The following CCDC57 variants were observed in gnomAD, a reference collection of about 807,000 sequenced individuals.
The protein encoded by CCDC57 is coiled-coil domain containing 57.
Under a neutral mutation model 118.9 loss-of-function variants are expected in CCDC57, and 118 were observed. The observed-to-expected ratio is 0.99, with a 90% CI of 0.86 to 1.16. The LOEUF (loss-of-function observed/expected upper bound fraction) is 1.16. CCDC57 is among the 50% of genes most tolerant of loss of function. The pLI, the probability that CCDC57 is intolerant of heterozygous loss-of-function variation, is 0.00. For synonymous variants in CCDC57, 527 were observed against 532.9 expected (o/e 0.99, Z 0.15); for missense variants, 1,300 against 1,320.7 (o/e 0.98, Z 0.24).
intron 19 of CCDC57, among the ~76,000 whole-genome samples, chr17:82,116,448 G>A (rs2035932917): frequency 6.6e-6 from 1 of 152,058 alleles, no homozygotes; most frequent in Non-Finnish European, 1.5e-5. Flanking sequence ...GCTCTACATG[G>A]CGGCCCTACC....
At chr17:82,157,874 C>T in exon 15 of CCDC57, 1 of 1,582,024 alleles carries the variant, frequency 6.3e-7, no homozygotes, top group Non-Finnish European at 8.6e-7. Context: ...GCTCCAAAAC[C>T]TCCAGGTGTA....
intron 19 of CCDC57, among the ~76,000 whole-genome samples, chr17:82,110,831 C>A (rs1463376574): frequency 6.6e-6 from 1 of 152,024 alleles, no homozygotes; most frequent in African/African-American, 2.4e-5. Context: ...TGGAGACCAG[C>A]CTGACCAACA....
chr17:82,207,788 G>C (rs1322427859), intron 2 of CCDC57: 13 of 152,222 alleles, frequency 8.5e-5, no homozygotes, highest in Admixed American at 8.5e-4. Flanking sequence ...CAGCAGGCGG[G>C]GTGGACCTGT....
At chr17:82,122,198 T>G (rs1368478163) in intron 19 of CCDC57, among the ~76,000 whole-genome samples, 1 of 152,200 alleles carries the variant, frequency 6.6e-6, no homozygotes, top group Non-Finnish European at 1.5e-5. Flanking sequence ...CCTCGGGCTC[T>G]CAGCCTGGAT....
At chr17:82,157,769 G>T in exon 15 of CCDC57, 1 of 1,602,206 alleles carries the variant, frequency 6.2e-7, no homozygotes, top group Non-Finnish European at 8.5e-7. Flanking sequence ...GGGCCACGGC[G>T]TCCGAGGCTG....
chr17:82,211,104 G>C, intron 1 of CCDC57, among the ~76,000 whole-genome samples: 1 of 151,832 alleles, frequency 6.6e-6, no homozygotes, highest in Non-Finnish European at 1.5e-5. Flanking sequence ...TTTACAAAGG[G>C]AAGGACCCTA....
At chr17:82,189,778 G>C (rs904498926) in intron 7 of CCDC57, among the ~76,000 whole-genome samples, 1 of 151,426 alleles carries the variant, frequency 6.6e-6, no homozygotes, top group African/African-American at 2.4e-5. Flanking sequence ...GCTCGAACCC[G>C]GGAGGCAGAG....
intron 7 of CCDC57, among the ~76,000 whole-genome samples, chr17:82,189,707 G>A (rs1356249003): frequency 6.6e-6 from 1 of 152,078 alleles, no homozygotes; most frequent in East Asian, 1.9e-4. Context: ...ACAAAAATTA[G>A]CCGGGCATGG....
rs561629264 is a variant in CCDC57 at position 82,186,114 on chromosome 17, C to G, written c.1052+2105G>C. On this transcript the variant is annotated intron_variant, in intron 8 of 19. Coordinates refer to ENST00000665763, the Ensembl canonical transcript of CCDC57. ...TAGAGGTGTGAGCCACTGTGCCTAG[C>G]CGAGGTCATCATTTAATGCCAGCTC... Among the ~76,000 whole-genome samples, 25 of 151,980 alleles carry G rather than the reference C, an allele frequency of 1.6e-4. 1 individual carries two copies. Among genetic ancestry groups the G allele is most frequent in the African/African-American group, 6.0e-4 (25 of 41,454 alleles).
At chr17:82,150,875 GCACACCCAGAACCTGACC>G (rs1568273579) in intron 16 of CCDC57, among the ~76,000 whole-genome samples, 10 of 72,182 alleles carry the variant, frequency 1.4e-4, no homozygotes, top group South Asian at 5.9e-4. Context: ...AGAACCTGGT[GCACACCCAGAACCTGACC>G]CACACCCAGA....
intron 17 of CCDC57, among the ~76,000 whole-genome samples, chr17:82,133,418 C>T (rs1217080642): frequency 7.9e-6 from 1 of 126,328 alleles, no homozygotes. Flanking sequence ...GGTGACAGAG[C>T]CAGGCCCTGT....
At chr17:82,158,168 G>A (rs959454570) in intron 14 of CCDC57, among the ~76,000 whole-genome samples, 16 of 152,224 alleles carry the variant, frequency 1.1e-4, no homozygotes, top group Admixed American at 9.8e-4. Flanking sequence ...GTTCCCCTGT[G>A]CCCTGCTCTG....
rs113673156 is a variant in CCDC57, at chr17:82,204,012, G to T, written c.-8-2060C>A. 2.0e-4 allele frequency among the ~76,000 whole-genome samples: 31 copies of T among 152,266 alleles called. 2 individuals are homozygous for T. The highest frequency in any genetic ancestry group is 7.2e-4 in the African/African-American group (30 of 41,546). ...AAGCACAAGGAGGAGGTGGGTAAGG[G>T]GCTGCAAGACCCGTGGGCCCCTCCA... On this transcript the variant is annotated intron_variant, in intron 2 of 19. Coordinates refer to ENST00000665763, the Ensembl canonical transcript of CCDC57.
At position 82,163,064 on chromosome 17, in the gene CCDC57, G is replaced by GA. The variant is rs528373607; in HGVS notation, c.2040+135dup. 11 of 1,112,950 alleles carry GA rather than the reference G, an allele frequency of 9.9e-6. No homozygotes were observed. In the East Asian group the frequency reaches 1.9e-4, roughly 19 times the overall value. 68.9% of individuals were successfully genotyped at this position (1,112,950 alleles called of 1,614,324 possible). A position where few individuals can be genotyped will look rare whatever the true frequency, so the allele number is the denominator to read the frequency against. ...GGACCTCCCCACAGCCCCTTCCTCA[G>GA]AAAAAAACAGGCAGAGAGAGGTCAG... On this transcript the variant is annotated intron_variant, in intron 14 of 19. Coordinates refer to ENST00000665763, the Ensembl canonical transcript of CCDC57.
At chr17:82,211,331 A>G (rs1159927061) in intron 1 of CCDC57, among the ~76,000 whole-genome samples, 2 of 152,294 alleles carry the variant, frequency 1.3e-5, no homozygotes, top group South Asian at 2.1e-4. Flanking sequence ...TGGACTCATC[A>G]TTGGATCCTG....
rs75755378 is a variant in CCDC57, at chr17:82,184,150, C to T, written c.1053-218G>A. Among the ~76,000 whole-genome samples, 88 of 150,880 alleles carry T rather than the reference C, an allele frequency of 5.8e-4. 1 individual carries two copies. Among genetic ancestry groups the T allele is most frequent in the Non-Finnish European group, 1.0e-4 (7 of 67,800 alleles). On this transcript the variant is annotated intron_variant, in intron 8 of 19. Coordinates refer to ENST00000665763, the Ensembl canonical transcript of CCDC57. ...TTCCGCACAGGAAGAATTAAGCATC[C>T]GTCCACCCAACTACCTCCATGCATG... is the stretch of plus-strand genomic sequence containing the variant.
intron 13 of CCDC57, among the ~76,000 whole-genome samples, chr17:82,166,246 C>T (rs773309393): frequency 1.3e-5 from 2 of 150,820 alleles, no homozygotes; most frequent in Non-Finnish European, 2.9e-5. Context: ...GCAGTCATAA[C>T]AAAACTCCAG....
At chr17:82,200,717 C>T (rs1209785421) in intron 3 of CCDC57, among the ~76,000 whole-genome samples, 3 of 151,620 alleles carry the variant, frequency 2.0e-5, no homozygotes, top group East Asian at 1.9e-4. Flanking sequence ...CACTTGAACC[C>T]GGGAGATGGA....
Position 82,163,299 on chromosome 17 carries a change from T to C in CCDC57, c.1941A>G (p.Gly647=), listed in dbSNP as rs565338474. ...AGGATACTGGGCCAGCTTGGACAGATCCTCCTGCTTGACCAGCTTGGACAG... is the reference window on the plus strand; with the variant it reads ...AGGATACTGGGCCAGCTTGGACAGACCCTCCTGCTTGACCAGCTTGGACAG... The change falls in exon 14 of 20, where the codon GGA becomes GGG. Residue 647 remains glycine (G), a synonymous_variant. Coordinates refer to ENST00000665763, the Ensembl canonical transcript of CCDC57. The C allele has an allele frequency of 3.2e-5, 51 of 1,613,954 alleles. No individual in the cohort carries two copies. The South Asian group carries it at 4.7e-4, about 15-fold the overall frequency.
Sources: allele counts gnomAD v4.1 joint callset (sites outside exome capture counted in the v4.1 genomes callset), GRCh38; gene constraint gnomAD v4.1.1; transcripts MANE v1.5; gene names NCBI Gene and HGNC (gene_info 2026-07-23, HGNC 2026-07-21).